The following ACTR3C variants were observed in gnomAD, a reference collection of about 807,000 sequenced individuals.
The protein encoded by ACTR3C is actin-related protein 3C.
Under a neutral mutation model 26.3 loss-of-function variants are expected in ACTR3C, and 18 were observed. The ratio of observed to expected loss-of-function variants is 0.68; its 90% CI spans 0.47 to 1.01. The LOEUF is 1.01. ACTR3C is among the 50% of genes least tolerant of loss of function. The pLI is 0.00. For synonymous variants in ACTR3C, 55 were observed against 94.5 expected, an observed-to-expected ratio of 0.58 and a Z score of 2.42; for missense variants, 184 against 250.7, an observed-to-expected ratio of 0.73 and a Z score of 1.80.
the ACTR3C span, among the ~76,000 whole-genome samples, chr7:150,051,788 A>T: frequency 6.6e-6 from 1 of 151,300 alleles, no homozygotes; most frequent in Admixed American, 6.6e-5. Context: ...GATGCTGCAA[A>T]ATATGTTGGA....
the ACTR3C span, among the ~76,000 whole-genome samples, chr7:150,044,225 A>C: frequency 2.0e-5 from 3 of 152,202 alleles, no homozygotes; most frequent in African/African-American, 7.2e-5. Context: ...GACAAAGTTC[A>C]GTATTTTAAA....
At chr7:150,155,102 T>G in the ACTR3C span, among the ~76,000 whole-genome samples, 4 of 152,230 alleles carry the variant, frequency 2.6e-5, no homozygotes, top group Admixed American at 1.3e-4. Context: ...AATATCACAG[T>G]TGCTCTTTTA....
the ACTR3C span, among the ~76,000 whole-genome samples, chr7:149,896,189 A>G: frequency 6.6e-6 from 1 of 152,284 alleles, no homozygotes; most frequent in Admixed American, 6.5e-5. Context: ...AGTCACAGAC[A>G]AAACAAACAA....
the ACTR3C span, among the ~76,000 whole-genome samples, chr7:149,982,707 A>G: frequency 2.6e-5 from 4 of 152,042 alleles, no homozygotes; most frequent in Admixed American, 2.6e-4. Context: ...GTGTAGGAGC[A>G]TCTTGTTACT....
the ACTR3C span, among the ~76,000 whole-genome samples, chr7:150,173,192 C>T: frequency 0.013 from 2,024 of 150,168 alleles, 225 homozygotes; most frequent in African/African-American, 0.049. Flanking sequence ...AGCAGAGGTT[C>T]TACATGAGTG....
At chr7:150,048,660 C>G in the ACTR3C span, among the ~76,000 whole-genome samples, 1 of 150,658 alleles carries the variant, frequency 6.6e-6, no homozygotes, top group African/African-American at 2.4e-5. Context: ...GCCACGCACG[C>G]GCTGCGGCGC....
chr7:150,051,265 T>C, the ACTR3C span, among the ~76,000 whole-genome samples: 1 of 151,944 alleles, frequency 6.6e-6, no homozygotes, highest in Non-Finnish European at 1.5e-5. Flanking sequence ...GTTAGTATGT[T>C]AGAATAAGTG....
At chr7:150,076,198 T>A in the ACTR3C span, among the ~76,000 whole-genome samples, 1 of 150,872 alleles carries the variant, frequency 6.6e-6, no homozygotes, top group African/African-American at 2.4e-5. Context: ...AGTGTTCCAA[T>A]GAGTATTGAC....
At chr7:150,263,864 AAAAAT>A (rs1309782967) in intron 6 of ACTR3C, among the ~76,000 whole-genome samples, 1 of 152,258 alleles carries the variant, frequency 6.6e-6, no homozygotes, top group African/African-American at 2.4e-5. Context: ...TTCCTACACT[AAAAAT>A]AAATAAATAA....
At chr7:150,085,859 C>T in the ACTR3C span, among the ~76,000 whole-genome samples, 1 of 152,020 alleles carries the variant, frequency 6.6e-6, no homozygotes, top group African/African-American at 2.4e-5. Context: ...AGCAGACACA[C>T]TCAAAATGTG....
At chr7:149,995,147 G>A in the ACTR3C span, among the ~76,000 whole-genome samples, 4 of 152,196 alleles carry the variant, frequency 2.6e-5, no homozygotes, top group South Asian at 2.1e-4. Context: ...GAGCCACTGC[G>A]CCCAGCCCAA....
At chr7:150,299,484 A>C (rs1238345891) in intron 1 of ACTR3C, among the ~76,000 whole-genome samples, 9 of 145,102 alleles carry the variant, frequency 6.2e-5, no homozygotes, top group South Asian at 2.1e-4. Flanking sequence ...AAAAAAAAAA[A>C]AAAAAAAAAA....
chr7:150,133,903 A>C, the ACTR3C span, among the ~76,000 whole-genome samples: 613 of 136,534 alleles, frequency 4.5e-3, no homozygotes, highest in African/African-American at 0.016. Flanking sequence ...AAGCTCAGCT[A>C]ATTTTTCTAT....
At chr7:150,079,787 C>T in the ACTR3C span, among the ~76,000 whole-genome samples, 34 of 152,122 alleles carry the variant, frequency 2.2e-4, 2 homozygotes, top group African/African-American at 7.2e-4. Context: ...CTCTGCCTTC[C>T]CCCTTCCACC....
At chr7:150,275,432 C>G (rs1337484940) in intron 6 of ACTR3C, among the ~76,000 whole-genome samples, 1 of 152,220 alleles carries the variant, frequency 6.6e-6, no homozygotes, top group Non-Finnish European at 1.5e-5. Flanking sequence ...CAGCGACAAC[C>G]AGGCGCGGTG....
At chr7:150,297,579 C>T (rs1405789153) in intron 1 of ACTR3C, among the ~76,000 whole-genome samples, 7 of 152,364 alleles carry the variant, frequency 4.6e-5, no homozygotes, top group South Asian at 4.1e-4. Context: ...TGGCCGGGCA[C>T]GGTGGCTCAT....
chr7:150,316,318 G>A (rs1563212743), intron 1 of ACTR3C, among the ~76,000 whole-genome samples: 1 of 152,128 alleles, frequency 6.6e-6, no homozygotes, highest in Non-Finnish European at 1.5e-5. Flanking sequence ...TAATCTGGCT[G>A]TCAATACATT....
chr7:150,040,222 G>T, the ACTR3C span, among the ~76,000 whole-genome samples: 21 of 148,012 alleles, frequency 1.4e-4, 1 homozygote, highest in South Asian at 4.0e-3. Flanking sequence ...CTCTAATAGG[G>T]GGGCCATCCT....
chr7:150,085,100 G>T, the ACTR3C span, among the ~76,000 whole-genome samples: 20 of 152,306 alleles, frequency 1.3e-4, no homozygotes, highest in African/African-American at 4.3e-4. Flanking sequence ...TGGTGGAGGA[G>T]CAATGGCCGT....
Sources: allele counts gnomAD v4.1 joint callset (sites outside exome capture counted in the v4.1 genomes callset), GRCh38; gene constraint gnomAD v4.1.1; transcripts MANE v1.5; gene names NCBI Gene and HGNC (gene_info 2026-07-23, HGNC 2026-07-21).